Variants in WNT6 observed in about 807,000 individuals in gnomAD.
The protein encoded by WNT6 is Wnt family member 6, also known as protein Wnt-6.
In WNT6, 27 loss-of-function variants were observed where a neutral mutation model predicts 33.1. That is an observed-to-expected ratio of 0.82 (90% confidence interval 0.60 to 1.12). WNT6 has a LOEUF of 1.12. WNT6 is among the 50% of genes most tolerant of loss of function. WNT6 has a pLI of 0.00. For synonymous variants in WNT6, 249 were observed against 242.8 expected, an observed-to-expected ratio of 1.03 and a Z score of -0.24; for missense variants, 494 against 535.3, an observed-to-expected ratio of 0.92 and a Z score of 0.76.
rs1944418607 is a variant in WNT6, at chr2:218,873,157, C to T, written c.637-227C>T. ...CTGCGCTGCATATTGTCCCCGTCTC[C>T]CCTCTTCGTCATCATCATATTCCTC... is the stretch of plus-strand genomic sequence containing the variant. On this transcript the variant is annotated intron_variant, in intron 3 of 3. Transcript: ENST00000233948. The surrounding 1 kb of genome is among the most constrained non-coding windows in gnomAD (Gnocchi z 6.1). 6.6e-6 allele frequency among the ~76,000 whole-genome samples: 1 copy of T among 152,130 alleles called. No individual in the cohort carries two copies. The highest frequency in any genetic ancestry group is 1.5e-5 in the Non-Finnish European group (1 of 68,016).
intron 1 of WNT6, 142 bp downstream of exon 1, chr2:218,860,259 G>A (rs1944294311): frequency 2.7e-6 from 2 of 748,172 alleles, no homozygotes; most frequent in Non-Finnish European, 3.8e-6. Context: ...GGGCGTTTCT[G>A]AACTCCACTT....
In WNT6 at chr2:218,871,566, A is replaced by G. The variant is rs757934074; in HGVS notation, c.383A>G (p.Glu128Gly). ...HAVTQACSMG[E>G]LLQCGCQAPR... Reference sequence around the variant, plus strand: ...GTCACGCAGGCCTGTTCTATGGGCGAGCTGCTGCAGTGCGGCTGCCAGGCG... The same window carrying G: ...GTCACGCAGGCCTGTTCTATGGGCGGGCTGCTGCAGTGCGGCTGCCAGGCG... Residue 128 changes from glutamate (E) to glycine (G), a missense_variant, in exon 3 of 4, where the codon GAG (glutamate) becomes GGG (glycine). Physicochemically the swap from Glu to Gly is moderately conservative, Grantham distance 98. Coordinates refer to ENST00000233948, the MANE Select transcript of WNT6 (RefSeq NM_006522.4). This position sits in a 1 kb window ranked among gnomAD's most constrained non-coding sequence, Gnocchi z 6.4. 11 of 1,567,120 alleles carry G rather than the reference A, an allele frequency of 7.0e-6. No individual in the cohort carries two copies. Among genetic ancestry groups the G allele is most frequent in the Non-Finnish European group, 9.4e-6 (11 of 1,166,262 alleles).
At chr2:218,869,243 A>C (rs1944379597) in intron 1 of WNT6, among the ~76,000 whole-genome samples, 1 of 128,352 alleles carries the variant, frequency 7.8e-6, no homozygotes, top group African/African-American at 3.8e-5. Flanking sequence ...CACGCATGAG[A>C]ATGCACGTGC....
intron 1 of WNT6, 79 bp downstream of exon 1, chr2:218,860,196 G>A: frequency 2.3e-6 from 3 of 1,289,366 alleles, no homozygotes; most frequent in Non-Finnish European, 3.0e-6. Flanking sequence ...GGGGTGTTCC[G>A]CAGCCTCCCG....
At chr2:218,868,641 A>G (rs1405582059) in intron 1 of WNT6, among the ~76,000 whole-genome samples, 2 of 152,220 alleles carry the variant, frequency 1.3e-5, no homozygotes, top group Non-Finnish European at 2.9e-5. Context: ...GAGTCATGAA[A>G]TAAGATGTGG....
At position 218,860,066 on chromosome 2, in the gene WNT6, GGCTGCT is replaced by G. The variant is rs749441067; in HGVS notation, c.42_47del (p.Leu16_Leu17del). ...CTGCCGCCCTTACCCTCCCGCCTCG[GGCTGCT>G]GCTGCTGCTGCTCCTGTGCCCGGCG... is the stretch of plus-strand genomic sequence containing the variant. On this transcript the variant is annotated inframe_deletion, in exon 1 of 4. Coordinates refer to ENST00000233948, the MANE Select transcript of WNT6 (RefSeq NM_006522.4). The G allele has an allele frequency of 1.3e-6, 2 of 1,521,746 alleles. No homozygotes were observed. Among genetic ancestry groups the G allele is most frequent in the East Asian group, 2.6e-5 (1 of 38,562 alleles). 94.3% of individuals were successfully genotyped at this position (1,521,746 alleles called of 1,614,324 possible). A position where few individuals can be genotyped will look rare whatever the true frequency, so the allele number is the denominator to read the frequency against.
rs545154138 is a variant in WNT6, at chr2:218,872,722, G to A, written c.637-662G>A. ...CCTGCTTCAGACAGTGACTAGGGGA[G>A]AGGCCGCCTGGGTTCCACTCTCAGT... On this transcript the variant is annotated intron_variant, in intron 3 of 3. Coordinates refer to ENST00000233948, the MANE Select transcript of WNT6 (RefSeq NM_006522.4). Among the ~76,000 whole-genome samples, 11 of 152,282 alleles carry A rather than the reference G, an allele frequency of 7.2e-5. No individual in the cohort carries two copies. In the South Asian group the frequency reaches 2.3e-3, roughly 32 times the overall value.
At chr2:218,866,567 T>C (rs1460764170) in intron 1 of WNT6, among the ~76,000 whole-genome samples, 1 of 152,144 alleles carries the variant, frequency 6.6e-6, no homozygotes, top group Non-Finnish European at 1.5e-5. Flanking sequence ...ACACCAGTTG[T>C]TGGAGGAAGC....
Position 218,873,321 on chromosome 2 carries a change from C to G in WNT6, c.637-63C>G. ...ATTCCCAATCTTATTTTCTGTCCAT[C>G]CGCTGGGCCCTTCCCTGCACCCCCT... is the stretch of plus-strand genomic sequence containing the variant. On this transcript the variant is annotated intron_variant, in intron 3 of 3. Coordinates refer to ENST00000233948, the MANE Select transcript of WNT6 (RefSeq NM_006522.4). This position sits in a 1 kb window ranked among gnomAD's most constrained non-coding sequence, Gnocchi z 6.1. 1.4e-6 allele frequency: 2 copies of G among 1,442,964 alleles called. No homozygotes were observed. Among genetic ancestry groups the G allele is most frequent in the Non-Finnish European group, 1.9e-6 (2 of 1,079,456 alleles). The allele number at this position is 1,442,964 out of a possible 1,614,324, so 89.4% of individuals were successfully genotyped here.
At position 218,871,030 on chromosome 2, in the gene WNT6, T is replaced by G; in HGVS notation, c.84T>G (p.Ala28=). 6.2e-7 allele frequency: 1 copy of G among 1,605,242 alleles called. No homozygotes were observed. Among genetic ancestry groups the G allele is most frequent in the Non-Finnish European group, 8.5e-7 (1 of 1,173,700 alleles). Residue 28 remains alanine (A), a synonymous_variant, in exon 2 of 4, where the codon GCT becomes GCG. Transcript: ENST00000233948. The surrounding 1 kb of genome is among the most constrained non-coding windows in gnomAD (Gnocchi z 6.4). ...CCTGCTATTCTCTGCTTTCCAGGGC[T>G]GTGGGCAGCCCCTTGGTTATGGACC... is the stretch of plus-strand genomic sequence containing the variant. The part of the protein sequence containing the change: ...CPAHVGGLWW[A]VGSPLVMDPT...
intron 1 of WNT6, among the ~76,000 whole-genome samples, chr2:218,861,268 G>A: frequency 6.6e-6 from 1 of 152,216 alleles, no homozygotes; most frequent in East Asian, 1.9e-4. Context: ...GTCACGGAAA[G>A]GGCGAACCGA....
rs1399027131 is a variant in WNT6 at position 218,871,216 on chromosome 2, C to T, written c.270C>T (p.His90=). The T allele has an allele frequency of 4.3e-6, 7 of 1,613,378 alleles. No individual in the cohort carries two copies. In the South Asian group the frequency reaches 6.6e-5, roughly 15 times the overall value. The change falls in exon 2 of 4, where the codon CAC becomes CAT. Residue 90 remains histidine (H), a synonymous_variant. Coordinates refer to ENST00000233948, the MANE Select transcript of WNT6 (RefSeq NM_006522.4). The surrounding 1 kb of genome is among the most constrained non-coding windows in gnomAD (Gnocchi z 6.4). ...TCCGCCGCTGGAATTGCTCCAGCCA[C>T]AGCAAGGCCTTTGGACGCATCCTGC... ...FRFRRWNCSS[H]SKAFGRILQQ... is the part of the protein sequence containing the mutation.
At chr2:218,869,215 T>TGTGCGTGCGC (rs1277020441) in intron 1 of WNT6, among the ~76,000 whole-genome samples, 7 of 107,704 alleles carry the variant, frequency 6.5e-5, no homozygotes, top group African/African-American at 4.2e-4. Flanking sequence ...ATTTTGTGTG[T>TGTGCGTGCGC]GTGCGTGCGC....
chr2:218,873,836 C>A lies in WNT6; in HGVS notation c.1089C>A (p.Leu363=). The change falls in exon 4 of 4, where the codon CTC becomes CTA. Residue 363 remains leucine, a synonymous_variant. Transcript: ENST00000233948. This position sits in a 1 kb window ranked among gnomAD's most constrained non-coding sequence, Gnocchi z 6.1. ...HRCRVRKELS[L]CL ...GCCGTGTGCGCAAGGAGCTCAGCCT[C>A]TGCCTGTGACCCGCCGCCCGGCCGC... 1 of 1,503,084 alleles carries A rather than the reference C, an allele frequency of 6.7e-7. No individual in the cohort carries two copies. Among genetic ancestry groups the A allele is most frequent in the East Asian group, 2.6e-5 (1 of 38,966 alleles). 93.1% of individuals were successfully genotyped at this position (1,503,084 alleles called of 1,614,324 possible). A position where few individuals can be genotyped will look rare whatever the true frequency, so the allele number is the denominator to read the frequency against.
At chr2:218,860,995 G>T (rs1030620032) in intron 1 of WNT6, among the ~76,000 whole-genome samples, 8 of 152,164 alleles carry the variant, frequency 5.3e-5, no homozygotes, top group African/African-American at 1.9e-4. Context: ...GCAAACCCTC[G>T]CCCGGAATAG....
chr2:218,860,829 G>A (rs10178105), intron 1 of WNT6, among the ~76,000 whole-genome samples: 1,779 of 150,972 alleles, frequency 0.012, 42 homozygotes, highest in African/African-American at 0.041. Context: ...TCCCAGGCTT[G>A]GCCCTAGCTA....
chr2:218,863,311 C>A (rs1288346554), intron 1 of WNT6, among the ~76,000 whole-genome samples: 1 of 152,188 alleles, frequency 6.6e-6, no homozygotes, highest in Non-Finnish European at 1.5e-5. Flanking sequence ...CAGGTCAGAG[C>A]TCCAGTGCTG....
At position 218,873,703 on chromosome 2, in the gene WNT6, G is replaced by C; in HGVS notation, c.956G>C (p.Gly319Ala). Residue 319 changes from glycine (G) to alanine (A), a missense_variant, in exon 4 of 4, where the codon GGC becomes GCC. Transcript: ENST00000233948. The surrounding 1 kb of genome is among the most constrained non-coding windows in gnomAD (Gnocchi z 6.1). ...ACNSSAPDLS[G>A]CDLLCCGRGH... ...AATAGCAGCGCCCCGGACCTCAGCG[G>C]CTGCGACCTGCTGTGCTGCGGCCGC... is the stretch of plus-strand genomic sequence containing the variant. 1 of 1,574,296 alleles carries C rather than the reference G, an allele frequency of 6.4e-7. No homozygotes were observed. Among genetic ancestry groups the C allele is most frequent in the Non-Finnish European group, 8.6e-7 (1 of 1,166,860 alleles).
chr2:218,870,316 GC>G (rs923876015), intron 1 of WNT6, among the ~76,000 whole-genome samples: 1 of 152,094 alleles, frequency 6.6e-6, no homozygotes, highest in Non-Finnish European at 1.5e-5. Context: ...CAGAGACCTG[GC>G]CCCCAGCTCC....
Sources: allele counts gnomAD v4.1 joint callset (sites outside exome capture counted in the v4.1 genomes callset), GRCh38; gene constraint gnomAD v4.1.1; non-coding constraint Gnocchi (gnomAD v3.1); transcripts MANE v1.5; gene names NCBI Gene and HGNC (gene_info 2026-07-23, HGNC 2026-07-21).